Variants in PICALM observed in about 807,000 individuals in gnomAD.
PICALM encodes phosphatidylinositol binding clathrin assembly protein, also known as phosphatidylinositol-binding clathrin assembly protein.
A neutral mutation model predicts 80.5 loss-of-function variants in PICALM; 40 were observed. The observed-to-expected ratio is 0.50, with a 90% CI of 0.39 to 0.65. PICALM has a LOEUF of 0.65. PICALM is among the 30% of genes least tolerant of loss of function. The pLI is 0.00. For synonymous variants in PICALM, 288 were observed against 260.3 expected, an observed-to-expected ratio of 1.11 and a Z score of -1.02; for missense variants, 676 against 778.9, an observed-to-expected ratio of 0.87 and a Z score of 1.57.
intron 4 of PICALM, 129 bp downstream of exon 4, chr11:86,022,238 C>T: frequency 1.7e-6 from 1 of 581,178 alleles, no homozygotes; most frequent in Non-Finnish European, 3.0e-6. Context: ...CTTGATATAC[C>T]TCATCAAAGA....
At chr11:86,010,947 T>C in intron 7 of PICALM, 83 bp downstream of exon 7, 3 of 678,570 alleles carry the variant, frequency 4.4e-6, no homozygotes, top group Middle Eastern at 2.5e-4. Flanking sequence ...ATTTATTTTA[T>C]TTGGATAGTG....
At chr11:85,968,889 T>G (rs769371278) in intron 19 of PICALM, among the ~76,000 whole-genome samples, 1 of 150,016 alleles carries the variant, frequency 6.7e-6, no homozygotes, top group Non-Finnish European at 1.5e-5. Context: ...AGAAAAACAA[T>G]AGTATCTGTT....
At chr11:86,046,801 C>T (rs2096078741) in intron 1 of PICALM, among the ~76,000 whole-genome samples, 1 of 152,140 alleles carries the variant, frequency 6.6e-6, no homozygotes, top group South Asian at 2.1e-4. Flanking sequence ...GCACATGCAG[C>T]CAATTTTTAA....
intron 12 of PICALM, 88 bp from the exon 13 acceptor site, chr11:85,990,487 G>T (rs1214650456): frequency 4.4e-6 from 3 of 688,306 alleles, no homozygotes; most frequent in Non-Finnish European, 6.7e-6. Context: ...AAAGTGAAAA[G>T]TAGTAACTAT....
rs559936535 is a variant in PICALM at position 86,008,819 on chromosome 11, G to A, written c.766-1236C>T. 5.3e-5 allele frequency among the ~76,000 whole-genome samples: 8 copies of A among 151,906 alleles called. No homozygotes were observed. The South Asian group carries it at 6.2e-4, about 12-fold the overall frequency. ...AAGGTAAGGGACTCTGGCCGGGCGC[G>A]GTGGCTCACGCCTGTAATCCCAGCT... is the stretch of plus-strand genomic sequence containing the variant. On this transcript the variant is annotated intron_variant, in intron 7 of 19. Coordinates refer to ENST00000393346, the MANE Select transcript of PICALM (RefSeq NM_007166.4).
At chr11:86,029,538 G>C (rs891120489) in intron 2 of PICALM, among the ~76,000 whole-genome samples, 1 of 152,172 alleles carries the variant, frequency 6.6e-6, no homozygotes, top group South Asian at 2.1e-4. Context: ...CCCCTTGTCA[G>C]TCAATCTACA....
At position 85,974,772 on chromosome 11, in the gene PICALM, G is replaced by T. The variant is rs757056764; in HGVS notation, c.1880C>A (p.Thr627Asn). ...MGSVPVMTQP[T>N]LIYSQPVMRP... ...CATGACAGGCTGGCTGTATATTAAG[G>T]TTGGTTGCGTCATTACAGGAACACT... The change falls in exon 19 of 20, where the codon ACC (threonine) becomes AAC (asparagine). Residue 627 changes from threonine (T) to asparagine (N), a missense_variant. Thr to Asn is a moderately conservative substitution (Grantham distance 65). Around this residue, in one of 2 missense-constraint regions of PICALM, gnomAD observed 391 missense variants for 383.6 expected, o/e 1.02. Transcript: ENST00000393346. The T allele has an allele frequency of 9.9e-6, 16 of 1,613,774 alleles. No individual in the cohort carries two copies. Among genetic ancestry groups the T allele is most frequent in the Non-Finnish European group, 1.3e-5 (15 of 1,179,860 alleles).
intron 1 of PICALM, among the ~76,000 whole-genome samples, chr11:86,060,562 C>T (rs1565599744): frequency 6.6e-6 from 1 of 152,100 alleles, no homozygotes; most frequent in Admixed American, 6.6e-5. Context: ...CAAATAATGT[C>T]TTAGTATATG....
intron 11 of PICALM, among the ~76,000 whole-genome samples, chr11:86,000,376 C>T (rs189080535): frequency 1.8e-4 from 28 of 152,284 alleles, no homozygotes; most frequent in African/African-American, 6.0e-4. Flanking sequence ...ATAATTTTTA[C>T]ACAATGAAAA....
At chr11:86,010,551 AC>A (rs1388815407) in intron 7 of PICALM, among the ~76,000 whole-genome samples, 1 of 151,994 alleles carries the variant, frequency 6.6e-6, no homozygotes, top group Admixed American at 6.6e-5. Context: ...TGAACTCCTG[AC>A]CTCAGGTGAT....
intron 11 of PICALM, among the ~76,000 whole-genome samples, chr11:85,999,615 T>C (rs1222694428): frequency 6.6e-6 from 1 of 152,174 alleles, no homozygotes; most frequent in Non-Finnish European, 1.5e-5. Flanking sequence ...CCTACTAAGA[T>C]TTCAGGGAGC....
chr11:86,066,717 G>A (rs1193969696), intron 1 of PICALM, among the ~76,000 whole-genome samples: 1 of 148,182 alleles, frequency 6.7e-6, no homozygotes, highest in African/African-American at 2.5e-5. Context: ...AGTTCACACA[G>A]TCACAACTAG....
chr11:86,022,240 C>A, intron 4 of PICALM, 127 bp downstream of exon 4: 1 of 590,508 alleles, frequency 1.7e-6, no homozygotes. Context: ...TGATATACCT[C>A]ATCAAAGAAA....
At chr11:86,002,469 T>C (rs1195703268) in intron 9 of PICALM, among the ~76,000 whole-genome samples, 3 of 152,228 alleles carry the variant, frequency 2.0e-5, no homozygotes, top group Admixed American at 6.5e-5. Flanking sequence ...ACAAAAATCA[T>C]GTTACCAGAC....
intron 5 of PICALM, among the ~76,000 whole-genome samples, chr11:86,012,952 C>G (rs1480635793): frequency 6.6e-6 from 1 of 152,016 alleles, no homozygotes; most frequent in Non-Finnish European, 1.5e-5. Flanking sequence ...ATAATCAAAT[C>G]AAATTACTAA....
Position 85,981,725 on chromosome 11 carries a change from T to C in PICALM, c.1679+20A>G, listed in dbSNP as rs2094447998. The stretch of plus-strand genomic sequence containing the variant: ...ACTAAATAACACACGGAGAAAACAA[T>C]GTGTATATTAAACACTCACTTCTTA... On this transcript the variant is annotated intron_variant, in intron 16 of 19. Transcript: ENST00000393346. 3 of 1,582,188 alleles carry C rather than the reference T, an allele frequency of 1.9e-6. No homozygotes were observed. Among genetic ancestry groups the C allele is most frequent in the East Asian group, 2.2e-5 (1 of 44,674 alleles).
At chr11:86,056,138 A>AAAAAAAG (rs1175344782) in intron 1 of PICALM, among the ~76,000 whole-genome samples, 1 of 146,368 alleles carries the variant, frequency 6.8e-6, no homozygotes, top group Non-Finnish European at 1.5e-5. Context: ...CTGTCTTTAA[A>AAAAAAAG]AAAAAAAAAA....
intron 1 of PICALM, among the ~76,000 whole-genome samples, chr11:86,065,336 C>G (rs753304317): frequency 5.3e-5 from 8 of 151,876 alleles, no homozygotes; most frequent in Non-Finnish European, 1.2e-4. Flanking sequence ...GTCACAGCTA[C>G]TCAAGAGGCT....
chr11:86,022,294 T>C (rs1447093558), intron 4 of PICALM, 73 bp downstream of exon 4: 7 of 814,148 alleles, frequency 8.6e-6, no homozygotes, highest in Non-Finnish European at 1.2e-5. Context: ...TCATAATTCA[T>C]AATCTAGTAA....
Sources: allele counts gnomAD v4.1 joint callset (sites outside exome capture counted in the v4.1 genomes callset), GRCh38; gene constraint gnomAD v4.1.1; regional missense constraint gnomAD v4.1.1; transcripts MANE v1.5; gene names NCBI Gene and HGNC (gene_info 2026-07-23, HGNC 2026-07-21).